Variants in CCDC178 observed in about 807,000 individuals in gnomAD.
The protein encoded by CCDC178 is coiled-coil domain containing 178.
Under a neutral mutation model 117.4 loss-of-function variants are expected in CCDC178, and 126 were observed. The observed-to-expected ratio is 1.07, with a 90% CI of 0.93 to 1.24. CCDC178 has a LOEUF of 1.24. CCDC178 is among the 50% of genes most tolerant of loss of function. CCDC178 has a pLI of 0.00. For missense variants in CCDC178, 1,030 were observed against 986.9 expected (o/e 1.04, Z -0.59); for synonymous variants, 283 against 313.4 (o/e 0.90, Z 1.02).
chr18:33,259,764 G>A (rs996524020), intron 14 of CCDC178, among the ~76,000 whole-genome samples: 8 of 151,912 alleles, frequency 5.3e-5, no homozygotes, highest in Admixed American at 3.9e-4. Flanking sequence ...TAATAATTAT[G>A]TATTTTCTTG....
rs543779408 is a variant in CCDC178 at position 33,288,848 on chromosome 18, A to G, written c.1176+4311T>C. Reference sequence around the variant, plus strand: ...TATATTATGAGGGAAGAGTATTTATAAAGAGTTGGAAGAATGAAAATATGT... The same window carrying G: ...TATATTATGAGGGAAGAGTATTTATGAAGAGTTGGAAGAATGAAAATATGT... On this transcript the variant is annotated intron_variant, in intron 12 of 22. Coordinates refer to ENST00000383096, the MANE Select transcript of CCDC178 (RefSeq NM_001105528.4). Among the ~76,000 whole-genome samples, 10 of 152,330 alleles carry G rather than the reference A, an allele frequency of 6.6e-5. No individual in the cohort carries two copies. In the South Asian group the frequency reaches 2.1e-3, roughly 32 times the overall value.
intron 20 of CCDC178, among the ~76,000 whole-genome samples, chr18:33,166,762 A>C (rs926159110): frequency 6.6e-6 from 1 of 152,206 alleles, no homozygotes; most frequent in Non-Finnish European, 1.5e-5. Flanking sequence ...TTACGTAAAA[A>C]TTCATACTGG....
chr18:33,089,852 A>G (rs1352172588), intron 21 of CCDC178, among the ~76,000 whole-genome samples: 1 of 152,180 alleles, frequency 6.6e-6, no homozygotes, highest in African/African-American at 2.4e-5. Flanking sequence ...AAATGTCTAT[A>G]TTCACACGGA....
At chr18:33,043,236 CA>C (rs2056582410) in intron 21 of CCDC178, among the ~76,000 whole-genome samples, 1 of 151,934 alleles carries the variant, frequency 6.6e-6, no homozygotes, top group African/African-American at 2.4e-5. Context: ...TCTTCTATTT[CA>C]GTAAAAAAAC....
intron 21 of CCDC178, among the ~76,000 whole-genome samples, chr18:32,987,071 A>T (rs1158084644): frequency 6.6e-6 from 1 of 151,936 alleles, no homozygotes; most frequent in Non-Finnish European, 1.5e-5. Context: ...TCAACTAAAA[A>T]GGCAGGTAGA....
chr18:33,220,899 T>C (rs1166083561), intron 18 of CCDC178, among the ~76,000 whole-genome samples: 4 of 152,098 alleles, frequency 2.6e-5, no homozygotes, highest in South Asian at 4.1e-4. Context: ...TCCCAAATTC[T>C]AGTGTGCGAG....
chr18:33,288,662 A>G (rs1320143226), intron 12 of CCDC178, among the ~76,000 whole-genome samples: 1 of 152,016 alleles, frequency 6.6e-6, no homozygotes, highest in Admixed American at 6.6e-5. Flanking sequence ...AAGCGCCAGC[A>G]TAGGGGTAAA....
At position 33,081,462 on chromosome 18, in the gene CCDC178, G is replaced by A. The variant is rs1293400177; in HGVS notation, c.2388+11299C>T. On this transcript the variant is annotated intron_variant, in intron 21 of 22. Coordinates refer to ENST00000383096, the MANE Select transcript of CCDC178 (RefSeq NM_001105528.4). ...CATTATCACAAATCCTCATGCATTA[G>A]TGCAATGATCCTTACTATAGTTTCA... Among the ~76,000 whole-genome samples, 9 of 152,228 alleles carry A rather than the reference G, an allele frequency of 5.9e-5. No homozygotes were observed. In the South Asian group the frequency reaches 1.2e-3, roughly 21 times the overall value.
At chr18:33,307,895 C>G (rs2062279708) in intron 11 of CCDC178, among the ~76,000 whole-genome samples, 1 of 152,202 alleles carries the variant, frequency 6.6e-6, no homozygotes, top group Non-Finnish European at 1.5e-5. Flanking sequence ...GGTTTGGGAA[C>G]CTTTGTCTAG....
intron 7 of CCDC178, among the ~76,000 whole-genome samples, chr18:33,352,739 T>C (rs1161069522): frequency 6.6e-6 from 1 of 152,196 alleles, no homozygotes; most frequent in Non-Finnish European, 1.5e-5. Flanking sequence ...CCATTTGTTA[T>C]TGATTTCCAG....
At chr18:33,323,132 T>C (rs1450714223) in intron 11 of CCDC178, 2 of 154,028 alleles carry the variant, frequency 1.3e-5, no homozygotes, top group African/African-American at 2.4e-5. Context: ...ACTCATTTAT[T>C]GATACCTAAT....
chr18:33,267,714 T>TA (rs2059835740), intron 12 of CCDC178, among the ~76,000 whole-genome samples: 1 of 151,400 alleles, frequency 6.6e-6, no homozygotes, highest in Non-Finnish European at 1.5e-5. Flanking sequence ...AATTACATAA[T>TA]AAAATCAAAT....
chr18:32,949,292 T>C (rs2054424150), intron 22 of CCDC178, among the ~76,000 whole-genome samples: 1 of 152,106 alleles, frequency 6.6e-6, no homozygotes, highest in Admixed American at 6.5e-5. Context: ...CAGTTTAGTT[T>C]ACAGATGAAA....
At chr18:32,940,126 T>C (rs544029563) in intron 22 of CCDC178, among the ~76,000 whole-genome samples, 1 of 152,052 alleles carries the variant, frequency 6.6e-6, no homozygotes, top group South Asian at 2.1e-4. Context: ...ATGTTTTTAG[T>C]ATTTGCTTGG....
chr18:33,328,463 T>C lies in CCDC178; in HGVS notation c.879+4711A>G, dbSNP rs375701244. On this transcript the variant is annotated intron_variant, in intron 10 of 22. Transcript: ENST00000383096. ...CTCTTATATTTATGTCTTTGATTCA[T>C]TTTGAGTTAATGTTTATATGGTGTA... Among the ~76,000 whole-genome samples, 8 of 152,212 alleles carry C rather than the reference T, an allele frequency of 5.3e-5. No homozygotes were observed. In the East Asian group the frequency reaches 1.4e-3, roughly 26 times the overall value.
intron 3 of CCDC178, among the ~76,000 whole-genome samples, chr18:33,406,512 T>C (rs1323691983): frequency 1.3e-5 from 2 of 151,860 alleles, no homozygotes; most frequent in Non-Finnish European, 2.9e-5. Flanking sequence ...TTTGAGGAGA[T>C]GAAAAGAGAA....
intron 2 of CCDC178, among the ~76,000 whole-genome samples, chr18:33,429,986 T>G (rs1015090424): frequency 1.3e-5 from 2 of 152,194 alleles, no homozygotes; most frequent in Non-Finnish European, 2.9e-5. Context: ...CAATGCAAGT[T>G]TAGTATGTAT....
At chr18:33,393,034 T>A (rs1486320762) in intron 4 of CCDC178, among the ~76,000 whole-genome samples, 1 of 152,124 alleles carries the variant, frequency 6.6e-6, no homozygotes, top group Non-Finnish European at 1.5e-5. Context: ...GGTCTTCCCG[T>A]GAATAATTTC....
chr18:33,253,084 T>A (rs539251535), intron 14 of CCDC178, among the ~76,000 whole-genome samples: 1 of 151,910 alleles, frequency 6.6e-6, no homozygotes, highest in East Asian at 1.9e-4. Context: ...GTCCCAAATG[T>A]AAAGGGTCTA....
Sources: allele counts gnomAD v4.1 joint callset (sites outside exome capture counted in the v4.1 genomes callset), GRCh38; gene constraint gnomAD v4.1.1; transcripts MANE v1.5; gene names NCBI Gene and HGNC (gene_info 2026-07-23, HGNC 2026-07-21).